SPATA3: variants seen among roughly 807,000 people sequenced by gnomAD.
SPATA3 encodes spermatogenesis associated 3.
Under a neutral mutation model 5.7 loss-of-function variants are expected in SPATA3, and 6 were observed. The observed-to-expected ratio is 1.06, with a 90% CI of 0.58 to 2.09. SPATA3 has a LOEUF of 2.09. SPATA3 is among the 30% of genes most tolerant of loss of function. SPATA3 has a pLI of 0.00. For synonymous variants in SPATA3, 44 were observed against 48.4 expected (o/e 0.91, Z 0.37); for missense variants, 155 against 130.4 (o/e 1.19, Z -0.92).
intron 6 of SPATA3, among the ~76,000 whole-genome samples, chr2:231,016,031 C>A (rs1288139665): frequency 2.0e-5 from 3 of 152,166 alleles, no homozygotes; most frequent in Non-Finnish European, 4.4e-5. Context: ...CATGGGCAGG[C>A]GTGAAGCCCC....
downstream of SPATA3, among the ~76,000 whole-genome samples, chr2:231,007,030 G>A (rs1474175993): frequency 6.6e-6 from 1 of 152,180 alleles, no homozygotes; most frequent in East Asian, 1.9e-4. Context: ...ACAGCCTGAG[G>A]TGTGTGGCTG....
chr2:231,018,598 T>C (rs1240623909), intron 6 of SPATA3, among the ~76,000 whole-genome samples: 1 of 152,210 alleles, frequency 6.6e-6, no homozygotes, highest in Non-Finnish European at 1.5e-5. Context: ...GACTCAAACC[T>C]TCAGCAGGGG....
intron 6 of SPATA3, among the ~76,000 whole-genome samples, chr2:231,015,131 GA>G (rs1692896607): frequency 6.6e-6 from 1 of 151,856 alleles, no homozygotes; most frequent in Non-Finnish European, 1.5e-5. Flanking sequence ...CAACTGAGGA[GA>G]GAGGGAGCAC....
intron 6 of SPATA3, among the ~76,000 whole-genome samples, chr2:231,018,993 G>A (rs1226486484): frequency 8.1e-6 from 1 of 124,032 alleles, no homozygotes; most frequent in African/African-American, 3.2e-5. Flanking sequence ...TTGAGATGGA[G>A]TCTCACTCTG....
chr2:231,016,348 G>A (rs1692935664), intron 6 of SPATA3, among the ~76,000 whole-genome samples: 1 of 151,966 alleles, frequency 6.6e-6, no homozygotes, highest in Non-Finnish European at 1.5e-5. Context: ...TTCTGTCTAT[G>A]CCCCACCACC....
intron 6 of SPATA3, among the ~76,000 whole-genome samples, chr2:231,018,932 C>T (rs140765652): frequency 1.7e-3 from 251 of 151,534 alleles, no homozygotes; most frequent in Middle Eastern, 7.0e-3. Flanking sequence ...GTGATCCACC[C>T]GCCTCAGCCA....
chr2:231,008,351 G>A (rs967463218), downstream of SPATA3, among the ~76,000 whole-genome samples: 1 of 152,344 alleles, frequency 6.6e-6, no homozygotes, highest in African/African-American at 2.4e-5. Flanking sequence ...GCGGCATATG[G>A]TGTAGGGGTG....
chr2:231,015,418 G>A (rs1692905094), intron 6 of SPATA3, among the ~76,000 whole-genome samples: 1 of 152,110 alleles, frequency 6.6e-6, no homozygotes, highest in African/African-American at 2.4e-5. Context: ...CAGGGAATTA[G>A]GGGAGGTGTG....
chr2:230,998,378 T>C (rs781692337), intron 1 of SPATA3, among the ~76,000 whole-genome samples: 24 of 152,246 alleles, frequency 1.6e-4, no homozygotes, highest in Admixed American at 7.2e-4. Flanking sequence ...TTCTGGGTTA[T>C]GATCTTCAGA....
chr2:231,019,248 A>C (rs546252406), intron 6 of SPATA3, among the ~76,000 whole-genome samples: 37 of 140,014 alleles, frequency 2.6e-4, no homozygotes, highest in Admixed American at 5.7e-4. Context: ...GGATTACAGG[A>C]GTGAGCCACC....
intron 5 of SPATA3, among the ~76,000 whole-genome samples, chr2:231,013,632 G>A (rs1025270347): frequency 2.0e-4 from 31 of 152,042 alleles, no homozygotes; most frequent in African/African-American, 5.8e-4. Context: ...CTGGGATTAC[G>A]GGCATGTGCC....
At chr2:231,000,998 A>T (rs1692333420) in intron 2 of SPATA3, among the ~76,000 whole-genome samples, 1 of 152,194 alleles carries the variant, frequency 6.6e-6, no homozygotes, top group African/African-American at 2.4e-5. Context: ...TTAATGATAA[A>T]AAACTACTTG....
At chr2:231,000,238 A>C (rs1692292933) in intron 1 of SPATA3, 128 bp from the exon 2 acceptor site, 1 of 848,482 alleles carries the variant, frequency 1.2e-6, no homozygotes. Context: ...GAAAAAATCC[A>C]GCGTTCGCCC....
chr2:231,007,969 C>T (rs564342092), downstream of SPATA3, among the ~76,000 whole-genome samples: 42 of 152,190 alleles, frequency 2.8e-4, no homozygotes, highest in South Asian at 4.2e-4. Context: ...ATGATTGCAC[C>T]GCTGCACTCC....
At chr2:231,020,027 A>AT (rs1693037830) in intron 7 of SPATA3, 1 of 144,224 alleles carries the variant, frequency 6.9e-6, no homozygotes, top group African/African-American at 2.7e-5. Context: ...AAAAAAAAAA[A>AT]AACAGTTACC....
intron 6 of SPATA3, among the ~76,000 whole-genome samples, chr2:231,017,640 G>A (rs1692966711): frequency 6.6e-6 from 1 of 152,184 alleles, no homozygotes; most frequent in Non-Finnish European, 1.5e-5. Context: ...ATATCCGAAT[G>A]AAAATTACAT....
At chr2:231,018,017 C>T (rs552296084) in intron 6 of SPATA3, among the ~76,000 whole-genome samples, 63 of 152,192 alleles carry the variant, frequency 4.1e-4, no homozygotes, top group African/African-American at 1.5e-3. Context: ...CTCCGCCTCC[C>T]AGGTTTAAGC....
downstream of SPATA3, among the ~76,000 whole-genome samples, chr2:231,005,526 CCACCAT>C (rs201124217): frequency 3.6e-4 from 1 of 2,772 alleles, no homozygotes; most frequent in East Asian, 7.1e-3. Flanking sequence ...ATCACCACCA[CCACCAT>C]CATCACCACC....
intron 6 of SPATA3, among the ~76,000 whole-genome samples, chr2:231,018,627 C>A (rs1692991399): frequency 6.6e-6 from 1 of 152,148 alleles, no homozygotes; most frequent in Non-Finnish European, 1.5e-5. Flanking sequence ...ATATTCTACA[C>A]CCCAGAATCA....
Sources: allele counts gnomAD v4.1 joint callset (sites outside exome capture counted in the v4.1 genomes callset), GRCh38; gene constraint gnomAD v4.1.1; transcripts MANE v1.5; gene names NCBI Gene and HGNC (gene_info 2026-07-23, HGNC 2026-07-21).